Variants in DLGAP4 observed in about 807,000 individuals in gnomAD.
The protein encoded by DLGAP4 is disks large-associated protein 4.
A neutral mutation model predicts 86.9 loss-of-function variants in DLGAP4; 18 were observed. The ratio of observed to expected loss-of-function variants is 0.21; its 90% confidence interval spans 0.14 to 0.31. DLGAP4 has a LOEUF of 0.31. DLGAP4 is among the 10% of genes least tolerant of loss of function. The pLI, the probability that DLGAP4 is intolerant of heterozygous loss-of-function variation, is 1.00. For missense variants in DLGAP4, 1,085 were observed against 1,362.6 expected, an observed-to-expected ratio of 0.80 and a Z score of 3.21; for synonymous variants, 548 against 574.3, an observed-to-expected ratio of 0.95 and a Z score of 0.65.
At chr20:36,440,286 G>A (rs2033410016) in intron 5 of DLGAP4, among the ~76,000 whole-genome samples, 1 of 152,138 alleles carries the variant, frequency 6.6e-6, no homozygotes, top group African/African-American at 2.4e-5. Context: ...TTTCTATCTG[G>A]GGGCTGTTGA....
chr20:36,440,016 CTG>C (rs2033401588), intron 5 of DLGAP4, 148 bp downstream of exon 5: 3 of 699,584 alleles, frequency 4.3e-6, no homozygotes, highest in South Asian at 1.7e-5. Flanking sequence ...CTGAAGCCTC[CTG>C]TGTGTGTCTC....
chr20:36,450,492 C>T (rs1185657154), intron 7 of DLGAP4, among the ~76,000 whole-genome samples: 1 of 151,536 alleles, frequency 6.6e-6, no homozygotes, highest in Non-Finnish European at 1.5e-5. Flanking sequence ...AAGTGAGACT[C>T]CGTCTCAAAA....
chr20:36,441,941 C>A (rs2033458673), intron 5 of DLGAP4, among the ~76,000 whole-genome samples: 1 of 152,182 alleles, frequency 6.6e-6, no homozygotes, highest in African/African-American at 2.4e-5. Context: ...CGCAGCAGGT[C>A]TCACCCACCA....
intron 1 of DLGAP4, among the ~76,000 whole-genome samples, chr20:36,330,024 CAAAA>C (rs574074810): frequency 1.7e-5 from 2 of 116,314 alleles, no homozygotes; most frequent in African/African-American, 3.0e-5. Flanking sequence ...ACTCTTGTCT[CAAAA>C]AAAAAAAAAA....
chr20:36,495,686 A>G (rs554236837), intron 7 of DLGAP4, among the ~76,000 whole-genome samples: 1 of 152,332 alleles, frequency 6.6e-6, no homozygotes, highest in South Asian at 2.1e-4. Flanking sequence ...TACCCATGGC[A>G]GGTCCTGGCT....
chr20:36,370,528 G>T (rs1452142169), intron 2 of DLGAP4, among the ~76,000 whole-genome samples: 1 of 151,908 alleles, frequency 6.6e-6, no homozygotes, highest in Non-Finnish European at 1.5e-5. Flanking sequence ...CGTTCCTAGG[G>T]ACAGGCCTGG....
chr20:36,503,479 CTTTTTTTTTTTTTTTT>C (rs982287997), intron 10 of DLGAP4, among the ~76,000 whole-genome samples: 1 of 109,906 alleles, frequency 9.1e-6, no homozygotes, highest in Non-Finnish European at 1.7e-5. Flanking sequence ...CATATATGGC[CTTTTTTTTTTTTTTTT>C]TTTTTTTTTT....
intron 1 of DLGAP4, among the ~76,000 whole-genome samples, chr20:36,355,403 C>A (rs2030295991): frequency 6.6e-6 from 1 of 151,828 alleles, no homozygotes; most frequent in African/African-American, 2.4e-5. Context: ...GCTCAACGAT[C>A]CTCTCACCTC....
chr20:36,468,442 T>C (rs1414950188), intron 7 of DLGAP4, among the ~76,000 whole-genome samples: 1 of 152,238 alleles, frequency 6.6e-6, no homozygotes, highest in Non-Finnish European at 1.5e-5. Flanking sequence ...GACTAGTGCT[T>C]ACACAGTGGC....
chr20:36,436,341 A>AC lies in DLGAP4; in HGVS notation c.1237dup (p.Arg413ProfsTer55). The AC allele has an allele frequency of 1.3e-6, 2 of 1,593,504 alleles. No individual in the cohort carries two copies. Among genetic ancestry groups the AC allele is most frequent in the Non-Finnish European group, 8.5e-7 (1 of 1,173,636 alleles). ...CAGCAGTCGCTGGGAGAGCAGAGCAACCCCCGCAGGTAGGCGCGCAGCTCC... is the reference window on the plus strand; with the variant it reads ...CAGCAGTCGCTGGGAGAGCAGAGCAACCCCCCGCAGGTAGGCGCGCAGCTCC... On this transcript the variant is annotated frameshift_variant, in exon 4 of 13. Transcript: ENST00000339266. LOFTEE classifies it high-confidence loss of function.
intron 7 of DLGAP4, among the ~76,000 whole-genome samples, chr20:36,448,330 A>G (rs1265055109): frequency 2.6e-5 from 4 of 152,240 alleles, no homozygotes; most frequent in Non-Finnish European, 4.4e-5. Context: ...AGCCTAGGAG[A>G]CAGACCAAGA....
rs894534618 is a variant in DLGAP4 at position 36,393,554 on chromosome 20, C to T, written c.-73+26279C>T. ...CTTATTTCCCCTGAGGTCTCCACAC[C>T]GAGCCCCTGGGGAGCACAGGGAAGC... On this transcript the variant is annotated intron_variant, in intron 2 of 12. Transcript: ENST00000339266. The surrounding 1 kb of genome is among the most constrained non-coding windows in gnomAD (Gnocchi z 4.4). 3.3e-5 allele frequency among the ~76,000 whole-genome samples: 5 copies of T among 152,182 alleles called. No individual in the cohort carries two copies. The highest frequency in any genetic ancestry group is 3.9e-4 in the East Asian group (2 of 5,174).
chr20:36,424,908 G>A (rs1243452587), intron 2 of DLGAP4, among the ~76,000 whole-genome samples: 1 of 152,110 alleles, frequency 6.6e-6, no homozygotes, highest in Non-Finnish European at 1.5e-5. Context: ...GCTAATTGTT[G>A]TATTTTTAGT....
At chr20:36,359,991 G>A (rs1266173911) in intron 1 of DLGAP4, among the ~76,000 whole-genome samples, 5 of 152,284 alleles carry the variant, frequency 3.3e-5, no homozygotes, top group Admixed American at 2.6e-4. Context: ...AGGGGCATGC[G>A]TCCTCTCTGC....
chr20:36,316,554 C>T (rs1396882320), intron 1 of DLGAP4, among the ~76,000 whole-genome samples: 1 of 152,110 alleles, frequency 6.6e-6, no homozygotes, highest in Non-Finnish European at 1.5e-5. Flanking sequence ...CCACAGCGGA[C>T]TAGACTGTAA....
At chr20:36,399,692 CAA>C (rs2032099913) in intron 2 of DLGAP4, among the ~76,000 whole-genome samples, 1 of 152,184 alleles carries the variant, frequency 6.6e-6, no homozygotes, top group African/African-American at 2.4e-5. Context: ...AACTTTGAGC[CAA>C]GTTTCAGCTC....
rs921023369 is a variant in DLGAP4, at chr20:36,315,245, T to C, written c.-304+8733T>C. Among the ~76,000 whole-genome samples, 549 of 151,872 alleles carry C rather than the reference T, an allele frequency of 3.6e-3. 5 individuals are homozygous for C. Among genetic ancestry groups the C allele is most frequent in the African/African-American group, 0.012 (513 of 41,328 alleles). On this transcript the variant is annotated intron_variant, in intron 1 of 12. Transcript: ENST00000339266. ...TGTTACATCACCTCCCAGATGAATA[T>C]AAACTCACATGAGTGACAGGCACTG...
chr20:36,443,311 C>T (rs1461786139), intron 6 of DLGAP4, among the ~76,000 whole-genome samples: 2 of 152,126 alleles, frequency 1.3e-5, no homozygotes, highest in East Asian at 3.9e-4. Flanking sequence ...CTGAGGGCAC[C>T]ACCTCCTAGA....
In DLGAP4 at chr20:36,431,746, G is replaced by A. The variant is rs35694596; in HGVS notation, c.29G>A (p.Arg10His). 29,925 of 1,601,754 alleles carry A rather than the reference G, an allele frequency of 0.019. 370 individuals are homozygous for A. Among genetic ancestry groups the A allele is most frequent in the Middle Eastern group, 0.03 (178 of 6,002 alleles). ...AAAGGCCTCGGTGACAGCCGCCCCC[G>A]CCACCTCTCCGACAGCCTAGACCCA... MKGLGDSRP[R>H]HLSDSLDPPH... The change falls in exon 3 of 13, where the codon CGC becomes CAC. Residue 10 changes from arginine (R) to histidine (H), a missense_variant. Coordinates refer to ENST00000339266, the MANE Select transcript of DLGAP4 (RefSeq NM_001365621.2). The surrounding 1 kb of genome is among the most constrained non-coding windows in gnomAD (Gnocchi z 5.1).
Sources: allele counts gnomAD v4.1 joint callset (sites outside exome capture counted in the v4.1 genomes callset), GRCh38; gene constraint gnomAD v4.1.1; non-coding constraint Gnocchi (gnomAD v3.1); transcripts MANE v1.5; gene names NCBI Gene and HGNC (gene_info 2026-07-23, HGNC 2026-07-21).